ANK1: variants seen among roughly 807,000 people sequenced by gnomAD.
The protein encoded by ANK1 is ankyrin 1.
In ANK1, 51 loss-of-function variants were observed where a neutral mutation model predicts 210.4. The ratio of observed to expected loss-of-function variants is 0.24; its 90% CI spans 0.19 to 0.31. The LOEUF is 0.31. Ranked by LOEUF, ANK1 falls within the 10% of genes least tolerant of loss-of-function variation. The pLI is 1.00. For missense variants in ANK1, 2,051 were observed against 2,504.4 expected (o/e 0.82, Z 3.86); for synonymous variants, 967 against 1,025.9 (o/e 0.94, Z 1.10).
intron 1 of ANK1, among the ~76,000 whole-genome samples, chr8:41,875,651 T>C (rs1398681737): frequency 1.3e-5 from 2 of 152,192 alleles, no homozygotes; most frequent in Non-Finnish European, 2.9e-5. Flanking sequence ...GATGATGGAA[T>C]GAATCTGGGT....
chr8:41,658,856 G>A (rs1806716885), intron 42 of ANK1, among the ~76,000 whole-genome samples: 1 of 152,112 alleles, frequency 6.6e-6, no homozygotes, highest in Non-Finnish European at 1.5e-5. Flanking sequence ...TAGTGCCACT[G>A]CACTCCAGCC....
At chr8:41,716,582 T>C (rs1827739088) in intron 13 of ANK1, among the ~76,000 whole-genome samples, 1 of 152,198 alleles carries the variant, frequency 6.6e-6, no homozygotes, top group South Asian at 2.1e-4. Flanking sequence ...AAAATGTGTT[T>C]ACAGCAAGGG....
intron 1 of ANK1, among the ~76,000 whole-genome samples, chr8:41,895,773 G>C (rs1461159675): frequency 6.6e-6 from 1 of 150,574 alleles, no homozygotes; most frequent in African/African-American, 2.5e-5. Flanking sequence ...ACCAGATCCG[G>C]AGGGTCAGGA....
intron 1 of ANK1, among the ~76,000 whole-genome samples, chr8:41,796,713 C>A (rs1434668536): frequency 1.3e-5 from 2 of 151,566 alleles, no homozygotes; most frequent in Non-Finnish European, 2.9e-5. Context: ...ACTACCCTTT[C>A]AGCGTGTGTG....
chr8:41,668,341 C>T lies in ANK1; in HGVS notation c.5320G>A (p.Asp1774Asn), dbSNP rs747971990. 31 of 1,614,112 alleles carry T rather than the reference C, an allele frequency of 1.9e-5. 1 individual carries two copies. In the South Asian group the frequency reaches 2.6e-4, roughly 14 times the overall value. ...TGGCCTTGCTGCCTCCGGTCCCTGTCGGCCTGGGAGCTCTCAGCCTCGGGC... is the reference window on the plus strand; with the variant it reads ...TGGCCTTGCTGCCTCCGGTCCCTGTTGGCCTGGGAGCTCTCAGCCTCGGGC... Reference protein sequence around the residue: ...EQPEAESSQADRDRRQQGQEE... With the variant: ...EQPEAESSQANRDRRQQGQEE... The change falls in exon 39 of 43, where the codon GAC (aspartate) becomes AAC (asparagine). Residue 1774 changes from aspartate to asparagine, a missense_variant. By Grantham distance (23) the Asp-to-Asn change is conservative. Coordinates refer to ENST00000289734, the MANE Select transcript of ANK1 (RefSeq NM_000037.4).
Position 41,704,177 on chromosome 8 carries a change from C to T in ANK1, c.2197-38G>A, listed in dbSNP as rs771879534. The T allele has an allele frequency of 1.1e-5, 18 of 1,579,692 alleles. No individual in the cohort carries two copies. The highest frequency in any genetic ancestry group is 1.7e-4 in the Middle Eastern group (1 of 6,000). On this transcript the variant is annotated intron_variant, in intron 19 of 42. Transcript: ENST00000289734. This position sits in a 1 kb window ranked among gnomAD's most constrained non-coding sequence, Gnocchi z 4.1. ...CAGACATTTAGGCAGGGTTAGCCAG[C>T]CACTAGACAGAGACCTGCCTACACA...
chr8:41,841,104 C>T (rs1044351464), intron 1 of ANK1, among the ~76,000 whole-genome samples: 1 of 152,220 alleles, frequency 6.6e-6, no homozygotes, highest in African/African-American at 2.4e-5. Context: ...TGCAGCCCCA[C>T]ATTCACTGCG....
chr8:41,775,716 C>T (rs1301234192), intron 1 of ANK1, among the ~76,000 whole-genome samples: 1 of 152,098 alleles, frequency 6.6e-6, no homozygotes, highest in Admixed American at 6.6e-5. Flanking sequence ...CTCTGTTTCT[C>T]CATACACACA....
At chr8:41,656,366 C>A (rs548731433) in intron 42 of ANK1, among the ~76,000 whole-genome samples, 1 of 152,224 alleles carries the variant, frequency 6.6e-6, no homozygotes, top group Non-Finnish European at 1.5e-5. Flanking sequence ...CACTTCCTGA[C>A]CGCTGCCTCT....
intron 1 of ANK1, among the ~76,000 whole-genome samples, chr8:41,803,066 A>AG (rs60351880): frequency 1.4e-5 from 1 of 71,742 alleles, no homozygotes; most frequent in African/African-American, 6.3e-5. Flanking sequence ...AGAGAAAGGA[A>AG]GGAAGGAAGG....
In ANK1 at chr8:41,694,238, C is replaced by T. The variant is rs529297815; in HGVS notation, c.3328-136G>A. ...CTGCTGTTGGACCACAGAACCGACACGGTGGAGCTTGCCTTCCTGAGCCCT... is the reference window on the plus strand; with the variant it reads ...CTGCTGTTGGACCACAGAACCGACATGGTGGAGCTTGCCTTCCTGAGCCCT... On this transcript the variant is annotated intron_variant, in intron 28 of 42. Coordinates refer to ENST00000289734, the MANE Select transcript of ANK1 (RefSeq NM_000037.4). The surrounding 1 kb of genome is among the most constrained non-coding windows in gnomAD (Gnocchi z 5.7). The T allele has an allele frequency of 1.5e-5, 14 of 953,440 alleles. No homozygotes were observed. The highest frequency in any genetic ancestry group is 3.4e-5 in the South Asian group (2 of 59,480). The allele number at this position is 953,440 out of a possible 1,614,324, so 59.1% of individuals were successfully genotyped here.
At chr8:41,760,591 G>C (rs1257899085) in intron 1 of ANK1, among the ~76,000 whole-genome samples, 1 of 152,204 alleles carries the variant, frequency 6.6e-6, no homozygotes, top group Non-Finnish European at 1.5e-5. Flanking sequence ...TCAGGCATTG[G>C]AGTCCGTGGC....
intron 1 of ANK1, among the ~76,000 whole-genome samples, chr8:41,803,041 G>GAAAGAA (rs61150782): frequency 1.1e-4 from 6 of 56,220 alleles, no homozygotes; most frequent in Non-Finnish European, 1.4e-4. Context: ...AAGAAAGAAA[G>GAAAGAA]AGAAAGAAAG....
chr8:41,671,296 T>C (rs1221658435), intron 38 of ANK1, among the ~76,000 whole-genome samples: 1 of 152,152 alleles, frequency 6.6e-6, no homozygotes, highest in Non-Finnish European at 1.5e-5. Flanking sequence ...GAGGGCGCCA[T>C]TATCAGCTCC....
In ANK1 at chr8:41,684,328, G is replaced by A. The variant is rs60558868; in HGVS notation, c.4537+216C>T. ...TCTGCAGGGCTGCAAAGGCTAAGGC[G>A]GAGGCGATGCCCACCTGCACAGGAG... On this transcript the variant is annotated intron_variant, in intron 37 of 42. Transcript: ENST00000289734. The A allele has an allele frequency of 3.6e-3, 2,682 of 750,964 alleles. 64 individuals are homozygous for A. In the African/African-American group the frequency reaches 0.041, roughly 11 times the overall value. 46.5% of individuals were successfully genotyped at this position (750,964 alleles called of 1,614,324 possible).
intron 16 of ANK1, among the ~76,000 whole-genome samples, chr8:41,713,001 C>A (rs551608401): frequency 6.6e-6 from 1 of 152,150 alleles, no homozygotes; most frequent in Non-Finnish European, 1.5e-5. Context: ...CGGGAGCCGG[C>A]GTCTGTAGAA....
chr8:41,719,900 G>C (rs1321018422), intron 9 of ANK1, 42 bp from the exon 10 acceptor site: 1 of 1,604,686 alleles, frequency 6.2e-7, no homozygotes, highest in African/African-American at 1.3e-5. Context: ...AAGTCTTCTG[G>C]GGACCGAGCA....
At chr8:41,675,004 T>C (rs1469451910) in intron 37 of ANK1, among the ~76,000 whole-genome samples, 4 of 152,228 alleles carry the variant, frequency 2.6e-5, no homozygotes, top group East Asian at 1.9e-4. Flanking sequence ...CCTCCACATA[T>C]ACAAAAGCAG....
chr8:41,829,053 G>C (rs1464035945), intron 1 of ANK1: 1 of 152,230 alleles, frequency 6.6e-6, no homozygotes, highest in Non-Finnish European at 1.5e-5. Context: ...CGTCTAGACC[G>C]GTCCGTGAGG....
Sources: allele counts gnomAD v4.1 joint callset (sites outside exome capture counted in the v4.1 genomes callset), GRCh38; gene constraint gnomAD v4.1.1; non-coding constraint Gnocchi (gnomAD v3.1); transcripts MANE v1.5; gene names NCBI Gene and HGNC (gene_info 2026-07-23, HGNC 2026-07-21).